The following VPS37A variants were observed in gnomAD, a reference collection of about 807,000 sequenced individuals.
VPS37A encodes VPS37A subunit of ESCRT-I.
Under a neutral mutation model 49.8 loss-of-function variants are expected in VPS37A, and 30 were observed. The ratio of observed to expected loss-of-function variants is 0.60; its 90% confidence interval spans 0.45 to 0.82. The LOEUF (loss-of-function observed/expected upper bound fraction) is 0.82, where lower values mean the gene tolerates loss of function less well. Among genes scored for constraint, VPS37A ranks in the 40% least tolerant of loss-of-function variants. The pLI is 0.00. For synonymous variants in VPS37A, 195 were observed against 160.6 expected, an observed-to-expected ratio of 1.21 and a Z score of -1.62; for missense variants, 593 against 464.4, an observed-to-expected ratio of 1.28 and a Z score of -2.55.
At chr8:17,288,896 T>G (rs1031740975) in intron 11 of VPS37A, among the ~76,000 whole-genome samples, 2 of 152,326 alleles carry the variant, frequency 1.3e-5, no homozygotes, top group Admixed American at 1.3e-4. Context: ...TTCCTAACTT[T>G]TTAATAATTG....
the VPS37A span, among the ~76,000 whole-genome samples, chr8:17,308,115 A>G: frequency 6.6e-6 from 1 of 152,180 alleles, no homozygotes; most frequent in Non-Finnish European, 1.5e-5. Context: ...ATATTTGCAT[A>G]AAGGGAATTT....
At chr8:17,298,131 G>A (rs527662765), downstream of VPS37A, 2 of 152,042 alleles carry the variant, frequency 1.3e-5, no homozygotes, top group Non-Finnish European at 2.9e-5. Flanking sequence ...GAGTTTCTAA[G>A]AGTGGACAGC....
intron 6 of VPS37A, among the ~76,000 whole-genome samples, 180 bp downstream of exon 6, chr8:17,276,647 T>A (rs768339090): frequency 1.3e-5 from 2 of 152,196 alleles, no homozygotes; most frequent in African/African-American, 2.4e-5. Context: ...ATTTATTGAG[T>A]GACTGGTACA....
intron 1 of VPS37A, among the ~76,000 whole-genome samples, chr8:17,260,112 T>C (rs1346140472): frequency 6.6e-6 from 1 of 152,154 alleles, no homozygotes; most frequent in Admixed American, 6.5e-5. Flanking sequence ...GATTGTTTTC[T>C]GGTTGTTCTT....
At chr8:17,303,159 C>G (rs562121191), downstream of VPS37A, among the ~76,000 whole-genome samples, 1 of 152,162 alleles carries the variant, frequency 6.6e-6, no homozygotes, top group Non-Finnish European at 1.5e-5. Context: ...ATTGTTTTAT[C>G]TGCAGTGCCC....
chr8:17,264,995 A>G (rs941137922), intron 1 of VPS37A, among the ~76,000 whole-genome samples: 2 of 152,230 alleles, frequency 1.3e-5, no homozygotes, highest in African/African-American at 4.8e-5. Context: ...TTACCTGCCA[A>G]TACCAAAGAC....
chr8:17,272,714 C>T (rs1814107621), intron 4 of VPS37A, among the ~76,000 whole-genome samples: 1 of 152,074 alleles, frequency 6.6e-6, no homozygotes, highest in Non-Finnish European at 1.5e-5. Context: ...CTAATTCCTT[C>T]AGATAAATTT....
At chr8:17,313,255 A>G in the VPS37A span, 1 of 1,498,426 alleles carries the variant, frequency 6.7e-7, no homozygotes, top group Non-Finnish European at 9.3e-7. Flanking sequence ...TGGTTTGCTC[A>G]TCTGTCCCTT....
rs371463914 is a variant in VPS37A, at chr8:17,274,740, A to T, written c.424A>T (p.Ser142Cys). The stretch of plus-strand genomic sequence containing the variant: ...TTCTCTTTTTCTTTTCAGTCTATAC[A>T]GTAACCCAAGTGGGATGTCTCCTTA... ...PTSTAFPYLY[S>C]NPSGMSPYAS... The change falls in exon 5 of 12, where the codon AGT (serine) becomes TGT (cysteine). Residue 142 changes from serine to cysteine, a missense_variant. Transcript: ENST00000324849. 19 of 1,613,424 alleles carry T rather than the reference A, an allele frequency of 1.2e-5. No homozygotes were observed. Among genetic ancestry groups the T allele is most frequent in the Non-Finnish European group, 1.6e-5 (19 of 1,179,444 alleles).
Position 17,270,468 on chromosome 8 carries a change from G to A in VPS37A, c.416+1512G>A, listed in dbSNP as rs141457553. Among the ~76,000 whole-genome samples, 122 of 152,256 alleles carry A rather than the reference G, an allele frequency of 8.0e-4. 1 individual carries two copies. The highest frequency in any genetic ancestry group is 3.4e-3 in the Middle Eastern group (1 of 294). ...CATGTGACCTGCGCTTCCTCACTGC[G>A]TGGCAGGGGTGAGATCTGAGGGTCA... is the stretch of plus-strand genomic sequence containing the variant. On this transcript the variant is annotated intron_variant, in intron 4 of 11. Transcript: ENST00000324849.
At chr8:17,276,157 A>G (rs893666198) in intron 5 of VPS37A, among the ~76,000 whole-genome samples, 25 of 152,074 alleles carry the variant, frequency 1.6e-4, no homozygotes, top group Non-Finnish European at 2.6e-4. Flanking sequence ...CCAGTTCTCT[A>G]CCTAACACAG....
downstream of VPS37A, chr8:17,305,733 C>T (rs760607918): frequency 1.3e-6 from 2 of 1,565,602 alleles, no homozygotes; most frequent in Non-Finnish European, 1.7e-6. Flanking sequence ...AAAAGTTAAA[C>T]ACCAAAAACA....
At chr8:17,264,003 C>A (rs1281848297) in intron 1 of VPS37A, among the ~76,000 whole-genome samples, 1 of 152,184 alleles carries the variant, frequency 6.6e-6, no homozygotes, top group Admixed American at 6.5e-5. Context: ...CCATGTTCTA[C>A]ATGCCTATTT....
chr8:17,320,094 CG>C, the VPS37A span, among the ~76,000 whole-genome samples: 1 of 151,614 alleles, frequency 6.6e-6, no homozygotes, highest in Non-Finnish European at 1.5e-5. Context: ...TTGGGATAGA[CG>C]GGGTTAAATA....
intron 11 of VPS37A, among the ~76,000 whole-genome samples, chr8:17,293,986 G>T (rs1816378285): frequency 6.6e-6 from 1 of 152,232 alleles, no homozygotes; most frequent in Non-Finnish European, 1.5e-5. Context: ...CATGGTGCTG[G>T]GTGATCCGCT....
At chr8:17,263,720 G>A (rs1228882541) in intron 1 of VPS37A, among the ~76,000 whole-genome samples, 2 of 152,176 alleles carry the variant, frequency 1.3e-5, no homozygotes, top group African/African-American at 4.8e-5. Flanking sequence ...AAGGCAGGTG[G>A]ATCGCTTGAG....
chr8:17,266,743 T>C (rs1462905178), intron 2 of VPS37A, among the ~76,000 whole-genome samples: 1 of 152,206 alleles, frequency 6.6e-6, no homozygotes, highest in Non-Finnish European at 1.5e-5. Flanking sequence ...AATATATAAG[T>C]GCTGTGTTAA....
the VPS37A span, among the ~76,000 whole-genome samples, chr8:17,322,669 TA>T: frequency 6.6e-6 from 1 of 151,556 alleles, no homozygotes; most frequent in Non-Finnish European, 1.5e-5. Context: ...AAAATAAAAA[TA>T]AAAAATTAGC....
At chr8:17,278,106 T>G (rs144062402) in intron 6 of VPS37A, among the ~76,000 whole-genome samples, 2,080 of 152,198 alleles carry the variant, frequency 0.014, 25 homozygotes, top group Non-Finnish European at 0.021. Context: ...TTTCTCTGTT[T>G]CCCATAGTTT....
Sources: allele counts gnomAD v4.1 joint callset (sites outside exome capture counted in the v4.1 genomes callset), GRCh38; gene constraint gnomAD v4.1.1; transcripts MANE v1.5; gene names NCBI Gene and HGNC (gene_info 2026-07-23, HGNC 2026-07-21).